Variants in CNTN3 observed in about 807,000 individuals in gnomAD.
CNTN3 encodes contactin-3.
Under a neutral mutation model 119.1 loss-of-function variants are expected in CNTN3, and 60 were observed. The observed-to-expected ratio is 0.50, with a 90% CI of 0.41 to 0.62. The LOEUF (loss-of-function observed/expected upper bound fraction) is 0.62, where lower values mean the gene tolerates loss of function less well. Among genes scored for constraint, CNTN3 ranks in the 20% least tolerant of loss-of-function variants. The pLI, the probability that CNTN3 is intolerant of heterozygous loss-of-function variation, is 0.00. For synonymous variants in CNTN3, 450 were observed against 438.7 expected (o/e 1.03, Z -0.32); for missense variants, 1,101 against 1,242.4 (o/e 0.89, Z 1.71).
intron 13 of CNTN3, among the ~76,000 whole-genome samples, chr3:74,309,038 C>A: frequency 6.6e-6 from 1 of 151,966 alleles, no homozygotes; most frequent in East Asian, 1.9e-4. Flanking sequence ...AAGATTAGCA[C>A]GTATTAGAAA....
intron 4 of CNTN3, among the ~76,000 whole-genome samples, chr3:74,457,385 T>C (rs1396719856): frequency 6.6e-6 from 1 of 152,060 alleles, no homozygotes; most frequent in East Asian, 1.9e-4. Context: ...AAACTTTTTA[T>C]ACTTTATCAT....
At chr3:74,606,754 TA>T (rs1402011562) in intron 1 of CNTN3, among the ~76,000 whole-genome samples, 2 of 152,132 alleles carry the variant, frequency 1.3e-5, no homozygotes, top group African/African-American at 2.4e-5. Context: ...CCTTCACTTG[TA>T]AGTATCTTCA....
At position 74,521,175 on chromosome 3, in the gene CNTN3, T is replaced by A; in HGVS notation, c.-63A>T. On this transcript the variant is annotated 5_prime_UTR_variant, in exon 2 of 23. Coordinates refer to ENST00000263665, the MANE Select transcript of CNTN3 (RefSeq NM_020872.3). ...CTCTGATGAATAGAATGCTTTCTCT[T>A]CAGGTAAATCCTTTAATCTGTAAAA... 1 of 906,880 alleles carries A rather than the reference T, an allele frequency of 1.1e-6. No homozygotes were observed. Among genetic ancestry groups the A allele is most frequent in the Non-Finnish European group, 1.7e-6 (1 of 590,958 alleles). 56.2% of individuals were successfully genotyped at this position (906,880 alleles called of 1,614,324 possible).
chr3:74,579,175 TA>T (rs57046469), intron 1 of CNTN3, among the ~76,000 whole-genome samples: 18,277 of 151,532 alleles, frequency 0.12, 1,274 homozygotes, highest in East Asian at 0.32. Flanking sequence ...TCCATAATGA[TA>T]AAAAAAATCA....
chr3:74,438,331 T>G (rs1410482189), intron 4 of CNTN3, among the ~76,000 whole-genome samples: 1 of 152,220 alleles, frequency 6.6e-6, no homozygotes, highest in Non-Finnish European at 1.5e-5. Context: ...CTTAGGATCT[T>G]AGTCTGAAAA....
At chr3:74,544,554 A>ATCTTCAT (rs1703886844) in intron 1 of CNTN3, among the ~76,000 whole-genome samples, 1 of 152,020 alleles carries the variant, frequency 6.6e-6, no homozygotes, top group South Asian at 2.1e-4. Context: ...AGATCAAGGA[A>ATCTTCAT]TCTTCATTTA....
chr3:74,295,827 T>C (rs1702327496), intron 18 of CNTN3, among the ~76,000 whole-genome samples: 2 of 152,070 alleles, frequency 1.3e-5, no homozygotes, highest in African/African-American at 2.4e-5. Context: ...ACAGTGGTTC[T>C]CCCTTCTCAG....
At chr3:74,609,994 T>C (rs751729904) in intron 1 of CNTN3, among the ~76,000 whole-genome samples, 4 of 151,970 alleles carry the variant, frequency 2.6e-5, no homozygotes, top group Admixed American at 6.6e-5. Context: ...GCAAATGATA[T>C]TTACACTGTG....
intron 13 of CNTN3, among the ~76,000 whole-genome samples, chr3:74,312,638 A>G (rs911329678): frequency 1.3e-5 from 2 of 151,950 alleles, no homozygotes; most frequent in African/African-American, 4.8e-5. Flanking sequence ...GTCTAGGGGC[A>G]TAAGTTCATT....
chr3:74,281,563 G>A (rs1476960570), intron 20 of CNTN3, among the ~76,000 whole-genome samples: 1 of 152,054 alleles, frequency 6.6e-6, no homozygotes, highest in Non-Finnish European at 1.5e-5. Context: ...GCCCAGGCTG[G>A]TCTCGAACTC....
At chr3:74,330,013 A>C (rs189279794) in intron 13 of CNTN3, among the ~76,000 whole-genome samples, 1 of 152,282 alleles carries the variant, frequency 6.6e-6, no homozygotes, top group Admixed American at 6.5e-5. Flanking sequence ...CCACATAAGG[A>C]CTTTTTGGTC....
At chr3:74,332,866 A>T (rs867873860) in intron 13 of CNTN3, among the ~76,000 whole-genome samples, 3 of 152,224 alleles carry the variant, frequency 2.0e-5, no homozygotes, top group South Asian at 2.1e-4. Flanking sequence ...AGCCTTTCCC[A>T]GATTGGGTAA....
At chr3:74,391,557 C>CTTTTTTT (rs554976641) in intron 5 of CNTN3, among the ~76,000 whole-genome samples, 14 of 87,010 alleles carry the variant, frequency 1.6e-4, no homozygotes, top group Middle Eastern at 7.8e-3. Context: ...CCCATAGTTT[C>CTTTTTTT]TTTTTTTTTT....
At chr3:74,411,840 T>C (rs1297533653) in intron 5 of CNTN3, among the ~76,000 whole-genome samples, 3 of 152,246 alleles carry the variant, frequency 2.0e-5, no homozygotes. Context: ...CAGTAAATGG[T>C]AGTAGTAAAG....
At chr3:74,269,744 T>C (rs1402197782) in intron 20 of CNTN3, among the ~76,000 whole-genome samples, 1 of 152,154 alleles carries the variant, frequency 6.6e-6, no homozygotes, top group Non-Finnish European at 1.5e-5. Flanking sequence ...TTATGCTAAG[T>C]GAAATAAGCC....
At chr3:74,569,843 C>A (rs1421487217) in intron 1 of CNTN3, among the ~76,000 whole-genome samples, 1 of 152,130 alleles carries the variant, frequency 6.6e-6, no homozygotes, top group Non-Finnish European at 1.5e-5. Flanking sequence ...ACCAAGCTGA[C>A]TCAGGTTGTT....
At chr3:74,409,367 C>T (rs4677391) in intron 5 of CNTN3, among the ~76,000 whole-genome samples, 128,465 of 152,138 alleles carry the variant, frequency 0.84, 54,352 homozygotes, top group African/African-American at 0.88. Context: ...AATCAGGTAA[C>T]TTCTCTATTT....
At chr3:74,321,958 G>A (rs531773291) in intron 13 of CNTN3, among the ~76,000 whole-genome samples, 279 of 152,102 alleles carry the variant, frequency 1.8e-3, no homozygotes, top group African/African-American at 5.7e-3. Context: ...ATCCGAGGTG[G>A]GCAGATCACC....
intron 1 of CNTN3, among the ~76,000 whole-genome samples, chr3:74,585,495 A>ACTC (rs1704578300): frequency 6.6e-6 from 1 of 152,174 alleles, no homozygotes; most frequent in African/African-American, 2.4e-5. Flanking sequence ...CAAGTTTTAG[A>ACTC]GAAGTAAAGT....
Sources: gnomAD v4.1 joint callset for allele counts (sites outside exome capture counted in the v4.1 genomes callset) on GRCh38, gnomAD v4.1.1 for gene constraint, MANE v1.5 for transcripts, NCBI Gene and HGNC (gene_info 2026-07-23, HGNC 2026-07-21) for gene names.